ZNF280D: variants seen among roughly 807,000 people sequenced by gnomAD.
ZNF280D encodes the protein suppressor of hairy wing homolog 4.
ZNF280D carries 39 observed loss-of-function variants against 94.7 expected under a neutral mutation model. The observed-to-expected ratio is 0.41, with a 90% confidence interval of 0.32 to 0.54. The LOEUF is 0.54. ZNF280D is among the 20% of genes least tolerant of loss of function. The probability of loss-of-function intolerance (pLI) is 0.22; values close to 1 mark genes in which losing one functional copy is unlikely to be tolerated. For synonymous variants in ZNF280D, 398 were observed against 377.6 expected, an observed-to-expected ratio of 1.05 and a Z score of -0.63; for missense variants, 1,090 against 1,149.3, an observed-to-expected ratio of 0.95 and a Z score of 0.75.
At chr15:56,633,077 T>A in intron 21 of ZNF280D, among the ~76,000 whole-genome samples, 1 of 152,178 alleles carries the variant, frequency 6.6e-6, no homozygotes, top group Non-Finnish European at 1.5e-5. Flanking sequence ...AAGAAGATCA[T>A]CAGTCCATTA....
rs1566984680 is a variant in ZNF280D at position 56,689,025 on chromosome 15, T to C, written c.780+16A>G. 11 of 1,549,938 alleles carry C rather than the reference T, an allele frequency of 7.1e-6. No individual in the cohort carries two copies. The highest frequency in any genetic ancestry group is 8.8e-6 in the Non-Finnish European group (10 of 1,139,254). The stretch of plus-strand genomic sequence containing the variant: ...TGTGCAAACTTTTTACAAATTAAAT[T>C]TTGAAAGAGTTTTACCTTCATGTGA... On this transcript the variant is annotated intron_variant, in intron 9 of 21. Coordinates refer to ENST00000267807, the MANE Select transcript of ZNF280D (RefSeq NM_017661.4).
chr15:56,664,683 A>T (rs1238496227), intron 16 of ZNF280D, among the ~76,000 whole-genome samples: 1 of 152,210 alleles, frequency 6.6e-6, no homozygotes, highest in Non-Finnish European at 1.5e-5. Context: ...AGGTAAAAAT[A>T]AAGAGATCTT....
Position 56,666,889 on chromosome 15 carries a change from C to T in ZNF280D, c.1643G>A (p.Arg548Lys), listed in dbSNP as rs775182797. 8.7e-6 allele frequency: 14 copies of T among 1,613,476 alleles called. No homozygotes were observed. The Admixed American group carries it at 1.8e-4, about 21-fold the overall frequency. ...SASTLQLSPPRTKNITAKNPA... is the reference protein window; with the variant it reads ...SASTLQLSPPKTKNITAKNPA... Reference sequence around the variant, plus strand: ...ATTTTTAGCAGTTATATTTTTAGTCCTTGGAGGTGAGAGCTGAAGGGTAGA... The same window carrying T: ...ATTTTTAGCAGTTATATTTTTAGTCTTTGGAGGTGAGAGCTGAAGGGTAGA... Residue 548 changes from arginine to lysine, a missense_variant, in exon 15 of 22, where the codon AGG becomes AAG. Physicochemically the swap from Arg to Lys is conservative, Grantham distance 26. This residue lies in a region of ZNF280D where 577 missense variants were observed against 568.8 expected (regional missense o/e 1.01). Coordinates refer to ENST00000267807, the MANE Select transcript of ZNF280D (RefSeq NM_017661.4).
At position 56,711,810 on chromosome 15, in the gene ZNF280D, T is replaced by C. The variant is rs73425632; in HGVS notation, c.-85-4504A>G. Among the ~76,000 whole-genome samples the C allele has an allele frequency of 5.3e-3, 804 of 152,366 alleles. 9 individuals are homozygous for C. The highest frequency in any genetic ancestry group is 0.018 in the African/African-American group (763 of 41,586). On this transcript the variant is annotated intron_variant, in intron 1 of 21. Transcript: ENST00000267807. ...CTGACAAATGTATCATTAGATGATT[T>C]TGTAGTTGTGAGAACATCGTAGAGT...
intron 19 of ZNF280D, among the ~76,000 whole-genome samples, chr15:56,648,356 G>C (rs1206075092): frequency 1.3e-5 from 2 of 151,890 alleles, no homozygotes; most frequent in Non-Finnish European, 2.9e-5. Flanking sequence ...ACAGTAAACT[G>C]GTATGCTAGA....
At chr15:56,657,490 G>A (rs867189514) in intron 17 of ZNF280D, among the ~76,000 whole-genome samples, 1 of 152,008 alleles carries the variant, frequency 6.6e-6, no homozygotes, top group Non-Finnish European at 1.5e-5. Flanking sequence ...AACGCATCAA[G>A]GTTTCCTCTG....
chr15:56,708,918 T>C (rs1192059038), intron 1 of ZNF280D, among the ~76,000 whole-genome samples: 1 of 152,130 alleles, frequency 6.6e-6, no homozygotes, highest in Non-Finnish European at 1.5e-5. Context: ...GAAGAAAACC[T>C]AGGCAATACC....
At chr15:56,670,176 T>C (rs2054766733) in intron 13 of ZNF280D, among the ~76,000 whole-genome samples, 1 of 144,260 alleles carries the variant, frequency 6.9e-6, no homozygotes. Context: ...ACTATGTCCA[T>C]TGAAATACAA....
chr15:56,678,695 G>A lies in ZNF280D; in HGVS notation c.1131C>T (p.Ile377=), dbSNP rs373260761. The change falls in exon 11 of 22, where the codon ATC becomes ATT. Residue 377 remains isoleucine, a synonymous_variant. Transcript: ENST00000267807. The part of the protein sequence containing the change: ...FPTPFQLQCH[I]ESTHTPHEFS... ...ATTCATGGGGCGTATGTGTACTTTC[G>A]ATGTGACACTGCAACTGAAATGGTG... 104 of 1,612,098 alleles carry A rather than the reference G, an allele frequency of 6.5e-5. No homozygotes were observed. The highest frequency in any genetic ancestry group is 7.5e-5 in the Non-Finnish European group (88 of 1,179,216).
At chr15:56,711,144 T>C (rs1233004108) in intron 1 of ZNF280D, among the ~76,000 whole-genome samples, 5 of 152,208 alleles carry the variant, frequency 3.3e-5, no homozygotes, top group African/African-American at 7.2e-5. Flanking sequence ...CAATCACTTA[T>C]TACCAATATG....
chr15:56,677,734 T>A, intron 11 of ZNF280D, 60 bp from the exon 12 acceptor site: 1 of 593,684 alleles, frequency 1.7e-6, no homozygotes, highest in Non-Finnish European at 2.5e-6. Flanking sequence ...AAATTAATTT[T>A]ATACATCTAT....
chr15:56,649,506 A>T (rs879720092), intron 19 of ZNF280D, among the ~76,000 whole-genome samples: 3 of 152,146 alleles, frequency 2.0e-5, no homozygotes, highest in Non-Finnish European at 2.9e-5. Context: ...TTGAGATATT[A>T]ATGTCTATGG....
intron 6 of ZNF280D, among the ~76,000 whole-genome samples, chr15:56,695,877 AAG>A (rs2056718148): frequency 6.6e-6 from 1 of 152,148 alleles, no homozygotes; most frequent in Non-Finnish European, 1.5e-5. Flanking sequence ...TCAGTGAAAA[AAG>A]AGAAATATGT....
chr15:56,666,693 T>A lies in ZNF280D; in HGVS notation c.1839A>T (p.Ala613=). ...SSNKKSKVNT[A]LRNLRYRRGI... ...TAAAAGATTACCTTAAATTCCTCAA[T>A]GCTGTATTGACTTTACTTTTTTTAT... The change falls in exon 15 of 22, where the codon GCA becomes GCT. Residue 613 remains alanine (A), a synonymous_variant. Coordinates refer to ENST00000267807, the MANE Select transcript of ZNF280D (RefSeq NM_017661.4). The A allele has an allele frequency of 1.2e-6, 2 of 1,605,396 alleles. No homozygotes were observed. The highest frequency in any genetic ancestry group is 1.7e-6 in the Non-Finnish European group (2 of 1,177,400).
At chr15:56,658,568 A>C (rs542074453) in intron 16 of ZNF280D, 82 bp from the exon 17 acceptor site, 2 of 947,184 alleles carry the variant, frequency 2.1e-6, no homozygotes, top group African/African-American at 3.5e-5. Context: ...GTCCATACTT[A>C]AGTTTCTAGT....
Position 56,704,180 on chromosome 15 carries a change from T to C in ZNF280D, c.116A>G (p.Asp39Gly). 3.1e-6 allele frequency: 5 copies of C among 1,613,890 alleles called. No individual in the cohort carries two copies. Among genetic ancestry groups the C allele is most frequent in the Non-Finnish European group, 4.2e-6 (5 of 1,179,928 alleles). ...WQKKVKEVED[D>G]DDDEPIFVGE... is the part of the protein sequence containing the mutation. ...AACAAAGATTGGCTCATCATCATCG[T>C]CATCCTCAACTTCTTTTACTTTCTT... is the stretch of plus-strand genomic sequence containing the variant. The change falls in exon 4 of 22, where the codon GAC becomes GGC. Residue 39 changes from aspartate to glycine, a missense_variant. Asp to Gly is a moderately conservative substitution (Grantham distance 94). Around this residue, in one of 3 missense-constraint regions of ZNF280D, gnomAD observed 386 missense variants for 372.0 expected, o/e 1.04. Coordinates refer to ENST00000267807, the MANE Select transcript of ZNF280D (RefSeq NM_017661.4).
intron 1 of ZNF280D, among the ~76,000 whole-genome samples, chr15:56,711,136 A>G (rs529027732): frequency 2.6e-5 from 4 of 152,344 alleles, no homozygotes; most frequent in African/African-American, 9.6e-5. Flanking sequence ...TTCTGACTCA[A>G]TCACTTATTA....
chr15:56,702,669 C>G (rs530178517), intron 4 of ZNF280D, among the ~76,000 whole-genome samples: 13 of 152,148 alleles, frequency 8.5e-5, no homozygotes, highest in African/African-American at 3.1e-4. Context: ...CCACTATCAC[C>G]GACGATGCCA....
At chr15:56,676,341 T>C (rs1362018737) in intron 13 of ZNF280D, among the ~76,000 whole-genome samples, 1 of 152,150 alleles carries the variant, frequency 6.6e-6, no homozygotes, top group Non-Finnish European at 1.5e-5. Flanking sequence ...ATAACTCCCT[T>C]CAAAATCATT....
Sources: gnomAD v4.1 joint callset for allele counts (sites outside exome capture counted in the v4.1 genomes callset) on GRCh38, gnomAD v4.1.1 for gene constraint, gnomAD v4.1.1 regional missense constraint, MANE v1.5 for transcripts, NCBI Gene and HGNC (gene_info 2026-07-23, HGNC 2026-07-21) for gene names.